Variants in IYD observed in about 807,000 individuals in gnomAD.
IYD encodes iodotyrosine deiodinase, also known as iodotyrosine deiodinase 1.
Under a neutral mutation model 28.4 loss-of-function variants are expected in IYD, and 25 were observed. The observed-to-expected ratio is 0.88, with a 90% CI of 0.64 to 1.23. The LOEUF (loss-of-function observed/expected upper bound fraction) is 1.23. IYD is among the 50% of genes most tolerant of loss of function. The pLI is 0.00. For missense variants in IYD, 352 were observed against 357.9 expected, an observed-to-expected ratio of 0.98 and a Z score of 0.13; for synonymous variants, 140 against 130.8, an observed-to-expected ratio of 1.07 and a Z score of -0.48.
At chr6:150,394,412 T>C (rs1778236907) in intron 4 of IYD, among the ~76,000 whole-genome samples, 157 bp downstream of exon 4, 1 of 152,218 alleles carries the variant, frequency 6.6e-6, no homozygotes. Context: ...CCTGGATTGG[T>C]GACTATGATG....
chr6:150,392,334 A>G lies in IYD; in HGVS notation c.371-11A>G, dbSNP rs933075451. The G allele has an allele frequency of 1.4e-5, 22 of 1,612,676 alleles. No individual in the cohort carries two copies. Among genetic ancestry groups the G allele is most frequent in the Non-Finnish European group, 1.9e-5 (22 of 1,179,860 alleles). ...AGTTTTAATTTCTGATTTTAATGGAATGGGTGACAGGAACAGCCCCGAGTG... is the reference window on the plus strand; with the variant it reads ...AGTTTTAATTTCTGATTTTAATGGAGTGGGTGACAGGAACAGCCCCGAGTG... On this transcript the variant is annotated splice_polypyrimidine_tract_variant and intron_variant, in intron 2 of 4. Transcript: ENST00000344419.
chr6:150,397,518 C>T (rs941791981), intron 4 of IYD, among the ~76,000 whole-genome samples: 3 of 141,454 alleles, frequency 2.1e-5, no homozygotes, highest in Admixed American at 7.8e-5. Context: ...TACAGTGAGC[C>T]GAGATCATGC....
chr6:150,400,301 A>G lies in IYD; in HGVS notation c.*2064A>G, dbSNP rs1042422600. ...TGAAGCATTGGAGTTATCGATTGCC[A>G]TTGCCCCATGGTTCTCACTCTTTGC... On this transcript the variant is annotated 3_prime_UTR_variant, in exon 5 of 5. Transcript: ENST00000344419. The G allele has an allele frequency of 6.6e-6, 1 of 152,166 alleles. No homozygotes were observed. The highest frequency in any genetic ancestry group is 6.5e-5 in the Admixed American group (1 of 15,284). 9.4% of individuals were successfully genotyped at this position (152,166 alleles called of 1,614,324 possible).
chr6:150,382,061 G>A (rs1476437194), intron 1 of IYD, among the ~76,000 whole-genome samples: 1 of 152,184 alleles, frequency 6.6e-6, no homozygotes, highest in Non-Finnish European at 1.5e-5. Context: ...GGAAGGGCTT[G>A]CTGTCTCTAT....
At position 150,401,624 on chromosome 6, in the gene IYD, C is replaced by T. The variant is rs1778513143; in HGVS notation, c.*3387C>T. ...TCTTCCTTCTCACTGCAGCCCCAAG[C>T]TCTTATTAACCTTCTTTTATGTGTT... On this transcript the variant is annotated 3_prime_UTR_variant, in exon 5 of 5. Transcript: ENST00000344419. 1 of 152,338 alleles carries T rather than the reference C, an allele frequency of 6.6e-6. No homozygotes were observed. Among genetic ancestry groups the T allele is most frequent in the South Asian group, 2.1e-4 (1 of 4,816 alleles). 9.4% of individuals were successfully genotyped at this position (152,338 alleles called of 1,614,324 possible).
Position 150,394,114 on chromosome 6 carries a change from A to G in IYD, c.546A>G (p.Lys182=), listed in dbSNP as rs1370145569. 1 of 1,614,214 alleles carries G rather than the reference A, an allele frequency of 6.2e-7. No individual in the cohort carries two copies. Among genetic ancestry groups the G allele is most frequent in the Admixed American group, 1.7e-5 (1 of 60,030 alleles). ...CTCTTCACAGAACCAACTGGATTAAAGAGTACTTGGATACTGCCCCTATTT... is the reference window on the plus strand; with the variant it reads ...CTCTTCACAGAACCAACTGGATTAAGGAGTACTTGGATACTGCCCCTATTT... ...DLKKLRTNWI[K]EYLDTAPILI... The change falls in exon 4 of 5, where the codon AAA becomes AAG. Residue 182 remains lysine, a synonymous_variant. Transcript: ENST00000344419.
intron 4 of IYD, among the ~76,000 whole-genome samples, chr6:150,397,625 G>T (rs543066747): frequency 6.7e-6 from 1 of 149,798 alleles, no homozygotes; most frequent in Admixed American, 6.7e-5. Flanking sequence ...AAATTATGTC[G>T]CATTTGGGCT....
At chr6:150,376,471 G>T (rs1777448891) in intron 1 of IYD, among the ~76,000 whole-genome samples, 1 of 152,110 alleles carries the variant, frequency 6.6e-6, no homozygotes, top group Non-Finnish European at 1.5e-5. Flanking sequence ...TTGGGATGAA[G>T]TTCCTTGAGC....
chr6:150,398,096 T>A lies in IYD; in HGVS notation c.729T>A (p.Cys243Ter), dbSNP rs1778391138. Residue 243 changes from cysteine to a stop codon, truncating the protein, a stop_gained, in exon 5 of 5, where the codon TGT becomes TGA. Transcript: ENST00000344419. LOFTEE classifies it high-confidence loss of function. The stretch of plus-strand genomic sequence containing the variant: ...CTGTCACTACCACTCCTCTCAACTG[T>A]GGCCCTCGACTGAGGGTGCTCCTGG... ...LVTVTTTPLN[C>*]GPRLRVLLGR... is the part of the protein sequence containing the mutation. 1 of 1,614,084 alleles carries A rather than the reference T, an allele frequency of 6.2e-7. No individual in the cohort carries two copies. Among genetic ancestry groups the A allele is most frequent in the South Asian group, 1.1e-5 (1 of 91,086 alleles).
chr6:150,371,571 C>A (rs926363214), intron 1 of IYD, among the ~76,000 whole-genome samples: 2 of 152,200 alleles, frequency 1.3e-5, no homozygotes, highest in Non-Finnish European at 2.9e-5. Flanking sequence ...AGGCTGGGAA[C>A]ATAGAGCAGA....
At chr6:150,382,530 T>G (rs775241655) in intron 1 of IYD, among the ~76,000 whole-genome samples, 3 of 152,148 alleles carry the variant, frequency 2.0e-5, no homozygotes, top group Non-Finnish European at 4.4e-5. Flanking sequence ...CATTGCCTTT[T>G]CAGATATTGC....
chr6:150,374,648 G>A (rs1437870474), intron 1 of IYD, among the ~76,000 whole-genome samples: 1 of 152,184 alleles, frequency 6.6e-6, no homozygotes, highest in Non-Finnish European at 1.5e-5. Context: ...CTGCCCCCAT[G>A]ATTCAATTAC....
At chr6:150,378,336 C>G (rs981973174) in intron 1 of IYD, among the ~76,000 whole-genome samples, 5 of 151,082 alleles carry the variant, frequency 3.3e-5, no homozygotes, top group Non-Finnish European at 7.4e-5. Flanking sequence ...CCGCTCCCCC[C>G]ACCCCACAAC....
At position 150,388,054 on chromosome 6, in the gene IYD, G is replaced by A. The variant is rs796161729; in HGVS notation, c.179-1298G>A. On this transcript the variant is annotated intron_variant, in intron 1 of 4. Coordinates refer to ENST00000344419, the MANE Select transcript of IYD (RefSeq NM_203395.3). The stretch of plus-strand genomic sequence containing the variant: ...TGTTTTCTTCTTTATGTGCCTGATT[G>A]CATTTGATGGGTTGCTGATGATTGT... Among the ~76,000 whole-genome samples, 8 of 152,182 alleles carry A rather than the reference G, an allele frequency of 5.3e-5. 1 individual carries two copies. The highest frequency in any genetic ancestry group is 1.9e-4 in the African/African-American group (8 of 41,528).
Position 150,369,175 on chromosome 6 carries a change from A to C in IYD, c.144A>C (p.Leu48Phe). The change falls in exon 1 of 5, where the codon TTA (leucine) becomes TTC (phenylalanine). Residue 48 changes from leucine (L) to phenylalanine (F), a missense_variant. Physicochemically the swap from Leu to Phe is conservative, Grantham distance 22. Transcript: ENST00000344419. ...CTCGCCCCTGGGTGGATGAAGACTTAAAAGACAGCAGTGACCTGCACCAAG... is the reference window on the plus strand; with the variant it reads ...CTCGCCCCTGGGTGGATGAAGACTTCAAAGACAGCAGTGACCTGCACCAAG... ...AEARPWVDED[L>F]KDSSDLHQAE... 1.9e-6 allele frequency: 3 copies of C among 1,613,716 alleles called. No homozygotes were observed. Among genetic ancestry groups the C allele is most frequent in the Non-Finnish European group, 2.5e-6 (3 of 1,179,986 alleles).
At chr6:150,390,427 C>A (rs1778071581) in intron 2 of IYD, among the ~76,000 whole-genome samples, 1 of 152,080 alleles carries the variant, frequency 6.6e-6, no homozygotes. Flanking sequence ...AAATTTATTT[C>A]TTATGTTTAG....
At chr6:150,395,750 C>T (rs907029914) in intron 4 of IYD, 3 of 688,260 alleles carry the variant, frequency 4.4e-6, no homozygotes, top group Non-Finnish European at 7.9e-6. Context: ...CTTGTAGAGG[C>T]AGCTTCCAGA....
Position 150,395,996 on chromosome 6 carries a change from G to A in IYD, c.687+1741G>A, listed in dbSNP as rs76373113. On this transcript the variant is annotated intron_variant, in intron 4 of 4. Coordinates refer to ENST00000344419, the MANE Select transcript of IYD (RefSeq NM_203395.3). ...GGCTCTGTAGTCATAGGAACTTGCC[G>A]TGGTGGTTGTTGTTTAGAATATAAT... The A allele has an allele frequency of 6.0e-3, 2,014 of 334,406 alleles. 25 individuals are homozygous for A. The highest frequency in any genetic ancestry group is 0.031 in the African/African-American group (1,539 of 49,180). 20.7% of individuals were successfully genotyped at this position (334,406 alleles called of 1,614,324 possible).
chr6:150,396,851 GCGA>G (rs903864825), intron 4 of IYD: 1 of 158,416 alleles, frequency 6.3e-6, no homozygotes, highest in African/African-American at 2.5e-5. Flanking sequence ...TCCAGCCTGG[GCGA>G]CAGAGCGAGA....
Sources: allele counts gnomAD v4.1 joint callset (sites outside exome capture counted in the v4.1 genomes callset), GRCh38; gene constraint gnomAD v4.1.1; transcripts MANE v1.5; gene names NCBI Gene and HGNC (gene_info 2026-07-23, HGNC 2026-07-21).